Variants in SOS1 observed in about 807,000 individuals in gnomAD.
The protein encoded by SOS1 is SOS Ras/Rac guanine nucleotide exchange factor 1.
Under a neutral mutation model 157.6 loss-of-function variants are expected in SOS1, and 25 were observed. The observed-to-expected ratio is 0.16, with a 90% CI of 0.12 to 0.22. SOS1 has a LOEUF of 0.22. Ranked by LOEUF, SOS1 falls within the 10% of genes least tolerant of loss-of-function variation. The pLI, the probability that SOS1 is intolerant of heterozygous loss-of-function variation, is 1.00. For missense variants in SOS1, 1,237 were observed against 1,599.1 expected, an observed-to-expected ratio of 0.77 and a Z score of 3.86; for synonymous variants, 528 against 534.0, an observed-to-expected ratio of 0.99 and a Z score of 0.16.
At chr2:39,068,374 G>A (rs1372636583) in intron 1 of SOS1, among the ~76,000 whole-genome samples, 2 of 152,136 alleles carry the variant, frequency 1.3e-5, no homozygotes, top group African/African-American at 4.8e-5. Flanking sequence ...GTATGTTTTT[G>A]CCAGGAACCA....
At chr2:39,062,465 G>T (rs1430098029) in intron 2 of SOS1, among the ~76,000 whole-genome samples, 5 of 142,396 alleles carry the variant, frequency 3.5e-5, no homozygotes, top group African/African-American at 1.3e-4. Flanking sequence ...AAGAAAGAAA[G>T]AAATTATAAG....
intron 10 of SOS1, among the ~76,000 whole-genome samples, chr2:39,020,333 A>G (rs17023241): frequency 0.11 from 16,176 of 151,754 alleles, 2,918 homozygotes; most frequent in African/African-American, 0.36. Context: ...TTTTTATGAC[A>G]ATGTCTAACC....
At chr2:39,018,599 G>C (rs1669702418) in intron 10 of SOS1, among the ~76,000 whole-genome samples, 1 of 151,738 alleles carries the variant, frequency 6.6e-6, no homozygotes, top group Non-Finnish European at 1.5e-5. Flanking sequence ...TTAGTGTTCA[G>C]AATATAGATT....
intron 1 of SOS1, among the ~76,000 whole-genome samples, chr2:39,095,273 C>T (rs957047767): frequency 6.6e-6 from 1 of 152,184 alleles, no homozygotes; most frequent in Non-Finnish European, 1.5e-5. Context: ...CTGTTTATAT[C>T]TCAGAGAATT....
At chr2:39,106,890 A>C (rs1021162860) in intron 1 of SOS1, among the ~76,000 whole-genome samples, 7 of 152,164 alleles carry the variant, frequency 4.6e-5, no homozygotes, top group African/African-American at 1.4e-4. Context: ...TAGAGTAAAA[A>C]TTTGGGGTGT....
At chr2:39,094,967 A>T (rs979747938) in intron 1 of SOS1, among the ~76,000 whole-genome samples, 1 of 152,184 alleles carries the variant, frequency 6.6e-6, no homozygotes, top group African/African-American at 2.4e-5. Flanking sequence ...AGAAATCTTC[A>T]CTGAGCCACA....
chr2:39,023,296 A>C, intron 9 of SOS1, 71 bp from the exon 10 acceptor site: 2 of 1,134,756 alleles, frequency 1.8e-6, no homozygotes, highest in Non-Finnish European at 2.6e-6. Flanking sequence ...AGTAAGGGAA[A>C]GTGTAAAAGT....
At chr2:39,050,284 A>C (rs1243984003) in intron 6 of SOS1, among the ~76,000 whole-genome samples, 11 of 152,198 alleles carry the variant, frequency 7.2e-5, no homozygotes, top group Admixed American at 7.2e-4. Context: ...ATGTTATTTT[A>C]GCATTTGAAA....
At chr2:39,063,567 C>T (rs572275605) in intron 2 of SOS1, among the ~76,000 whole-genome samples, 1 of 152,248 alleles carries the variant, frequency 6.6e-6, no homozygotes, top group East Asian at 1.9e-4. Flanking sequence ...AAACAAAATT[C>T]CATTCATTTG....
intron 5 of SOS1, among the ~76,000 whole-genome samples, chr2:39,052,526 C>G (rs1235610091): frequency 6.6e-6 from 1 of 152,124 alleles, no homozygotes; most frequent in Non-Finnish European, 1.5e-5. Flanking sequence ...ATAGACATGT[C>G]TTTTCTAGAA....
chr2:39,053,541 T>C (rs757801544), intron 5 of SOS1, among the ~76,000 whole-genome samples: 4 of 152,206 alleles, frequency 2.6e-5, no homozygotes, highest in Non-Finnish European at 5.9e-5. Flanking sequence ...ATTTACAGAT[T>C]TGTACAACCA....
At chr2:39,030,362 G>A (rs1342152832) in intron 8 of SOS1, among the ~76,000 whole-genome samples, 1 of 151,890 alleles carries the variant, frequency 6.6e-6, no homozygotes, top group Non-Finnish European at 1.5e-5. Context: ...CCAGGAGTTT[G>A]AGATCAGCCT....
intron 2 of SOS1, among the ~76,000 whole-genome samples, chr2:39,062,650 C>T (rs1191930536): frequency 6.7e-6 from 1 of 148,336 alleles, no homozygotes; most frequent in Non-Finnish European, 1.5e-5. Flanking sequence ...TATCACTGTC[C>T]TGAGAAATCA....
At chr2:39,097,733 T>C (rs541567334) in intron 1 of SOS1, among the ~76,000 whole-genome samples, 7 of 152,120 alleles carry the variant, frequency 4.6e-5, no homozygotes, top group Non-Finnish European at 5.9e-5. Context: ...CCAGCTAATT[T>C]TTTGCATTTT....
Position 39,059,325 on chromosome 2 carries a change from G to C in SOS1, c.214-521C>G, listed in dbSNP as rs75222226. Among the ~76,000 whole-genome samples the C allele has an allele frequency of 5.2e-3, 794 of 152,236 alleles. 11 individuals carry two copies. The highest frequency in any genetic ancestry group is 0.018 in the African/African-American group (745 of 41,552). ...GTGACAGCAATTTTAATACATTGTAGTTTCTTTAAAGTCCTCCCATAGTCA... is the reference window on the plus strand; with the variant it reads ...GTGACAGCAATTTTAATACATTGTACTTTCTTTAAAGTCCTCCCATAGTCA... On this transcript the variant is annotated intron_variant, in intron 2 of 22. Coordinates refer to ENST00000402219, the MANE Select transcript of SOS1 (RefSeq NM_005633.4).
chr2:39,033,867 C>G (rs1670250591), intron 8 of SOS1, among the ~76,000 whole-genome samples: 1 of 151,856 alleles, frequency 6.6e-6, no homozygotes, highest in South Asian at 2.1e-4. Flanking sequence ...CTGATAACGG[C>G]CTTAAGATTT....
chr2:39,032,127 CT>C (rs34329320), intron 8 of SOS1, among the ~76,000 whole-genome samples: 7 of 152,112 alleles, frequency 4.6e-5, no homozygotes, highest in African/African-American at 1.7e-4. Flanking sequence ...TTAACACATA[CT>C]TTTTTTCGTG....
intron 2 of SOS1, among the ~76,000 whole-genome samples, chr2:39,059,960 C>T (rs1671343227): frequency 1.3e-5 from 2 of 152,032 alleles, no homozygotes; most frequent in Admixed American, 6.6e-5. Flanking sequence ...AGTTGAAAAG[C>T]TGTTTGCCAG....
intron 22 of SOS1, among the ~76,000 whole-genome samples, chr2:38,987,158 C>T (rs977400329): frequency 5.9e-5 from 9 of 152,124 alleles, no homozygotes; most frequent in Non-Finnish European, 1.0e-4. Context: ...TACAAAGCTT[C>T]AGGACTTTCT....
Sources: allele counts gnomAD v4.1 joint callset (sites outside exome capture counted in the v4.1 genomes callset), GRCh38; gene constraint gnomAD v4.1.1; transcripts MANE v1.5; gene names NCBI Gene and HGNC (gene_info 2026-07-23, HGNC 2026-07-21).